TSNARE1: variants seen among roughly 807,000 people sequenced by gnomAD.
TSNARE1 encodes t-SNARE domain containing 1.
In TSNARE1, 49 loss-of-function variants were observed where a neutral mutation model predicts 62.0. That is an observed-to-expected ratio of 0.79 (90% CI 0.63 to 1.00). The LOEUF is 1.00. Among genes scored for constraint, TSNARE1 ranks in the 50% least tolerant of loss-of-function variants. TSNARE1 has a pLI of 0.00. For missense variants in TSNARE1, 755 were observed against 700.1 expected, an observed-to-expected ratio of 1.08 and a Z score of -0.88; for synonymous variants, 328 against 294.4, an observed-to-expected ratio of 1.11 and a Z score of -1.17.
chr8:142,366,122 C>T (rs57417714), intron 1 of TSNARE1: 2,747 of 268,696 alleles, frequency 0.01, 98 homozygotes, highest in South Asian at 0.063. Context: ...CTGTAAGCTC[C>T]GCCTCCCAGG....
intron 12 of TSNARE1, among the ~76,000 whole-genome samples, chr8:142,256,995 T>C (rs1032325634): frequency 3.3e-5 from 5 of 152,318 alleles, no homozygotes; most frequent in African/African-American, 2.4e-5. Context: ...TTGCATACAG[T>C]TGCTAAAAGG....
intron 10 of TSNARE1, among the ~76,000 whole-genome samples, chr8:142,285,868 C>G (rs1822653226): frequency 6.6e-6 from 1 of 152,210 alleles, no homozygotes; most frequent in East Asian, 1.9e-4. Flanking sequence ...ACGCCACTCT[C>G]AGAGCACACA....
chr8:142,373,960 G>C (rs1337033718), intron 1 of TSNARE1, among the ~76,000 whole-genome samples: 1 of 152,158 alleles, frequency 6.6e-6, no homozygotes, highest in African/African-American at 2.4e-5. Flanking sequence ...CTGTGTGTGT[G>C]GAGCAAAGGG....
At chr8:142,302,125 C>T (rs1825883063) in intron 9 of TSNARE1, among the ~76,000 whole-genome samples, 1 of 152,180 alleles carries the variant, frequency 6.6e-6, no homozygotes. Flanking sequence ...ACCCAAGCCA[C>T]TCTGCAGTGA....
intron 1 of TSNARE1, among the ~76,000 whole-genome samples, chr8:142,358,930 C>T (rs956038710): frequency 2.0e-5 from 3 of 152,098 alleles, no homozygotes; most frequent in Non-Finnish European, 4.4e-5. Context: ...CCTGCCCCAG[C>T]CCACAGTGGC....
intron 4 of TSNARE1, among the ~76,000 whole-genome samples, chr8:142,332,997 A>G (rs775389351): frequency 4.6e-5 from 7 of 152,202 alleles, no homozygotes; most frequent in Non-Finnish European, 1.0e-4. Flanking sequence ...CACGCAACAC[A>G]GTGAATCTCA....
intron 11 of TSNARE1, chr8:142,280,086 G>A (rs1312503435): frequency 1.2e-5 from 14 of 1,198,628 alleles, no homozygotes; most frequent in South Asian, 3.0e-5. Flanking sequence ...GGCTCCACAC[G>A]CGGTGCTTTC....
intron 12 of TSNARE1, among the ~76,000 whole-genome samples, chr8:142,255,962 CCACCATCACCAT>C: frequency 1.8e-5 from 2 of 111,140 alleles, no homozygotes; most frequent in South Asian, 6.0e-4. Flanking sequence ...ACCATCACCA[CCACCATCACCAT>C]CACCACCACC....
chr8:142,364,163 C>T (rs1053168542), intron 1 of TSNARE1, among the ~76,000 whole-genome samples: 3 of 152,194 alleles, frequency 2.0e-5, no homozygotes, highest in Non-Finnish European at 4.4e-5. Context: ...CAGGGTTCCT[C>T]GGCGCTCTCC....
intron 1 of TSNARE1, among the ~76,000 whole-genome samples, chr8:142,391,863 C>A: frequency 6.6e-6 from 1 of 152,224 alleles, no homozygotes; most frequent in East Asian, 1.9e-4. Flanking sequence ...ACGAGCTGAG[C>A]ACAGCCTACT....
chr8:142,292,270 TG>T (rs1823916375), intron 10 of TSNARE1, among the ~76,000 whole-genome samples: 1 of 152,126 alleles, frequency 6.6e-6, no homozygotes, highest in Admixed American at 6.5e-5. Flanking sequence ...TTTGCCCCGT[TG>T]GAAGTTCTGA....
At chr8:142,401,014 G>A (rs1838250430) in intron 1 of TSNARE1, among the ~76,000 whole-genome samples, 1 of 152,188 alleles carries the variant, frequency 6.6e-6, no homozygotes, top group African/African-American at 2.4e-5. Flanking sequence ...ACCGTGGAAG[G>A]ATGCACCCAC....
At chr8:142,304,436 C>T (rs7830524) in intron 9 of TSNARE1, among the ~76,000 whole-genome samples, 35,427 of 152,212 alleles carry the variant, frequency 0.23, 4,676 homozygotes, top group African/African-American at 0.35. Flanking sequence ...ATGGGAGCAG[C>T]GGCACTCACA....
chr8:142,331,919 G>A, intron 4 of TSNARE1, 88 bp from the exon 5 acceptor site: 1 of 1,333,640 alleles, frequency 7.5e-7, no homozygotes, highest in Non-Finnish European at 1.1e-6. Flanking sequence ...GCAGCCCCCA[G>A]GGGCAGGGAC....
At chr8:142,386,521 C>T (rs1837122612) in intron 1 of TSNARE1, among the ~76,000 whole-genome samples, 2 of 151,896 alleles carry the variant, frequency 1.3e-5, no homozygotes, top group South Asian at 4.2e-4. Flanking sequence ...AATAAATGTA[C>T]ATTAGTTTAA....
intron 8 of TSNARE1, 76 bp downstream of exon 8, chr8:142,314,927 G>A: frequency 2.2e-6 from 3 of 1,394,366 alleles, no homozygotes; most frequent in South Asian, 1.2e-5. Flanking sequence ...GGACAAGACA[G>A]CCATGACAGT....
chr8:142,304,831 AG>A (rs1037309222), intron 9 of TSNARE1, among the ~76,000 whole-genome samples: 2 of 152,264 alleles, frequency 1.3e-5, no homozygotes, highest in African/African-American at 4.8e-5. Flanking sequence ...CGTTCCTCCC[AG>A]GGGGGACATG....
chr8:142,353,068 C>T (rs1039032248), intron 2 of TSNARE1, among the ~76,000 whole-genome samples: 21 of 152,208 alleles, frequency 1.4e-4, no homozygotes, highest in African/African-American at 4.6e-4. Flanking sequence ...CACACCGGCC[C>T]GTCTCCCAGG....
At chr8:142,387,489 G>T (rs1211346535) in intron 1 of TSNARE1, among the ~76,000 whole-genome samples, 1 of 151,856 alleles carries the variant, frequency 6.6e-6, no homozygotes, top group Non-Finnish European at 1.5e-5. Context: ...CTGAATCTTG[G>T]AAGAAAAAAT....
Sources: allele counts gnomAD v4.1 joint callset (sites outside exome capture counted in the v4.1 genomes callset), GRCh38; gene constraint gnomAD v4.1.1; transcripts MANE v1.5; gene names NCBI Gene and HGNC (gene_info 2026-07-23, HGNC 2026-07-21).